The following THOP1 variants were observed in gnomAD, a reference collection of about 807,000 sequenced individuals.
THOP1 encodes the protein thimet oligopeptidase 1, also known as thimet oligopeptidase.
Under a neutral mutation model 71.8 loss-of-function variants are expected in THOP1, and 49 were observed. The ratio of observed to expected loss-of-function variants is 0.68; its 90% confidence interval spans 0.54 to 0.87. The LOEUF (loss-of-function observed/expected upper bound fraction) is 0.87. Ranked by LOEUF, THOP1 falls within the 40% of genes least tolerant of loss-of-function variation. The pLI is 0.00. For synonymous variants in THOP1, 426 were observed against 421.5 expected, an observed-to-expected ratio of 1.01 and a Z score of -0.13; for missense variants, 843 against 975.6, an observed-to-expected ratio of 0.86 and a Z score of 1.81.
intron 1 of THOP1, among the ~76,000 whole-genome samples, chr19:2,787,763 G>C (rs566358251): frequency 6.6e-6 from 1 of 152,170 alleles, no homozygotes; most frequent in Non-Finnish European, 1.5e-5. Flanking sequence ...GACATTTGTG[G>C]TTGTCACAGT....
intron 6 of THOP1, chr19:2,806,644 G>A (rs1568324462): frequency 1.2e-5 from 6 of 493,970 alleles, no homozygotes; most frequent in East Asian, 3.9e-5. Context: ...TGATGCCCTC[G>A]GAGGCTCCTC....
At position 2,810,309 on chromosome 19, in the gene THOP1, G is replaced by A. The variant is rs1252268655; in HGVS notation, c.1461G>A (p.Glu487=). The A allele has an allele frequency of 1.2e-6, 2 of 1,610,896 alleles. No individual in the cohort carries two copies. The highest frequency in any genetic ancestry group is 1.7e-6 in the Non-Finnish European group (2 of 1,179,584). ...GCTCTGCCCCATCCCTGCAGGCGGAGTTCGCCATGTTCAGCGGGACCCACG... is the reference window on the plus strand; with the variant it reads ...GCTCTGCCCCATCCCTGCAGGCGGAATTCGCCATGTTCAGCGGGACCCACG... The part of the protein sequence containing the change: ...HVMHQLCSQA[E]FAMFSGTHVE... Residue 487 remains glutamate (E), a synonymous_variant, in exon 10 of 13, where the codon GAG becomes GAA. Coordinates refer to ENST00000307741, the MANE Select transcript of THOP1 (RefSeq NM_003249.5).
intron 2 of THOP1, among the ~76,000 whole-genome samples, chr19:2,792,545 G>C (rs912556694): frequency 2.1e-5 from 3 of 145,610 alleles, no homozygotes; most frequent in Non-Finnish European, 4.5e-5. Flanking sequence ...GGACATTTCT[G>C]TTGACCCAGA....
chr19:2,812,929 C>G lies in THOP1; in HGVS notation c.1909-186C>G, dbSNP rs553470258. On this transcript the variant is annotated intron_variant, in intron 12 of 12. Coordinates refer to ENST00000307741, the MANE Select transcript of THOP1 (RefSeq NM_003249.5). Reference sequence around the variant, plus strand: ...TGGCCCCTCAGTGCACACCCCCGCTCTGAGATTCTGATGAAAGGCACCTGC... The same window carrying G: ...TGGCCCCTCAGTGCACACCCCCGCTGTGAGATTCTGATGAAAGGCACCTGC... Among the ~76,000 whole-genome samples, 14 of 152,306 alleles carry G rather than the reference C, an allele frequency of 9.2e-5. No homozygotes were observed. The South Asian group carries it at 2.5e-3, about 27-fold the overall frequency.
At chr19:2,798,505 C>T (rs866561086) in intron 4 of THOP1, among the ~76,000 whole-genome samples, 1 of 152,196 alleles carries the variant, frequency 6.6e-6, no homozygotes. Flanking sequence ...AGCAGAGTTC[C>T]AGCGCGTCCC....
At position 2,799,797 on chromosome 19, in the gene THOP1, G is replaced by C. The variant is rs1450285097; in HGVS notation, c.589+6G>C. The C allele has an allele frequency of 6.2e-7, 1 of 1,613,084 alleles. No individual in the cohort carries two copies. Among genetic ancestry groups the C allele is most frequent in the Admixed American group, 1.7e-5 (1 of 60,024 alleles). On this transcript the variant is annotated splice_donor_region_variant and intron_variant, in intron 5 of 12. Coordinates refer to ENST00000307741, the MANE Select transcript of THOP1 (RefSeq NM_003249.5). ...CTTCACGCTCCAGGAGCTAGGTAGG[G>C]GCCGAGCAGTGGGGCACGGGTGGCC...
chr19:2,810,488 C>T lies in THOP1; in HGVS notation c.1640C>T (p.Thr547Ile). Residue 547 changes from threonine to isoleucine, a missense_variant and splice_region_variant, in exon 10 of 13, where the codon ACA (threonine) becomes ATA (isoleucine). By Grantham distance (89) the Thr-to-Ile change is moderately conservative. Transcript: ENST00000307741. ...CTCATTGAGTCCCGGCAGGCCAACA[C>T]AGGTGCACCCGCCCCGTCCGGGGAA... Reference protein sequence around the residue: ...EKLIESRQANTGLFNLRQIVL... With the variant: ...EKLIESRQANIGLFNLRQIVL... The T allele has an allele frequency of 6.4e-7, 1 of 1,551,074 alleles. No individual in the cohort carries two copies. Among genetic ancestry groups the T allele is most frequent in the Non-Finnish European group, 8.7e-7 (1 of 1,147,562 alleles).
At chr19:2,802,567 A>G (rs1224261268) in intron 5 of THOP1, among the ~76,000 whole-genome samples, 1 of 145,454 alleles carries the variant, frequency 6.9e-6, no homozygotes, top group Non-Finnish European at 1.5e-5. Flanking sequence ...ACCTTCCGAC[A>G]CCCCCACCTC....
At chr19:2,810,898 C>A in intron 11 of THOP1, 130 bp downstream of exon 11, 1 of 1,377,210 alleles carries the variant, frequency 7.3e-7, no homozygotes, top group Non-Finnish European at 9.6e-7. Context: ...CCACGGAGCG[C>A]GTCCCAGGCT....
Position 2,810,755 on chromosome 19 carries a change from C to T in THOP1, c.1758C>T (p.Val586=). Residue 586 remains valine, a synonymous_variant, in exon 11 of 13, where the codon GTC becomes GTT. Coordinates refer to ENST00000307741, the MANE Select transcript of THOP1 (RefSeq NM_003249.5). ...GGCTCTGCCAGGAGATCCTCGGGGT[C>T]CCGGCCACGCCAGGTAGCCACCCTT... is the stretch of plus-strand genomic sequence containing the variant. ...YARLCQEILG[V]PATPGTNMPA... is the part of the protein sequence containing the mutation. 1 of 1,602,164 alleles carries T rather than the reference C, an allele frequency of 6.2e-7. No individual in the cohort carries two copies. Among genetic ancestry groups the T allele is most frequent in the African/African-American group, 1.3e-5 (1 of 74,964 alleles).
At chr19:2,794,660 C>CG in intron 2 of THOP1, 104 bp from the exon 3 acceptor site, 3 of 1,401,742 alleles carry the variant, frequency 2.1e-6, no homozygotes, top group African/African-American at 2.8e-5. Context: ...AGAGAGTTCA[C>CG]GGGGGGATTC....
chr19:2,790,319 A>G (rs950652212), intron 1 of THOP1, 102 bp from the exon 2 acceptor site: 1 of 1,143,454 alleles, frequency 8.7e-7, no homozygotes, highest in Non-Finnish European at 1.2e-6. Context: ...ACTCTTCTGG[A>G]TGAGAAGCGG....
At chr19:2,812,075 T>G in intron 12 of THOP1, 1 of 1,256,528 alleles carries the variant, frequency 8.0e-7, no homozygotes, top group Non-Finnish European at 1.1e-6. Context: ...TGCTGGGAGC[T>G]CCGTGTCTTC....
chr19:2,795,223 G>C (rs1044710870), intron 3 of THOP1, among the ~76,000 whole-genome samples: 1 of 152,206 alleles, frequency 6.6e-6, no homozygotes, highest in Non-Finnish European at 1.5e-5. Context: ...GCCTCCCAAA[G>C]TGCTGGGATC....
At chr19:2,807,132 C>G in intron 7 of THOP1, 80 bp downstream of exon 7, 3 of 1,471,732 alleles carry the variant, frequency 2.0e-6, no homozygotes, top group Middle Eastern at 1.8e-4. Context: ...CGGTGCTACC[C>G]CTAGAGCCTT....
intron 6 of THOP1, 23 bp from the exon 7 acceptor site, chr19:2,806,892 GAC>G: frequency 6.2e-7 from 1 of 1,612,568 alleles, no homozygotes. Context: ...GCCCCTGGGT[GAC>G]AGTGTGGTGG....
intron 2 of THOP1, among the ~76,000 whole-genome samples, chr19:2,791,963 GGCCCCTCGC>G (rs1050135482): frequency 8.5e-5 from 13 of 152,096 alleles, no homozygotes; most frequent in Admixed American, 6.6e-4. Flanking sequence ...CTCTCCAGCC[GGCCCCTCGC>G]GCCCCTCGCC....
chr19:2,808,118 AG>A, intron 8 of THOP1, 124 bp from the exon 9 acceptor site: 1 of 1,109,498 alleles, frequency 9.0e-7, no homozygotes, highest in Non-Finnish European at 1.3e-6. Context: ...GCTGAGAGGG[AG>A]GTTTAGAACC....
In THOP1 at chr19:2,813,158, C is replaced by T. The variant is rs1916525726; in HGVS notation, c.1952C>T (p.Ser651Phe). 6.2e-7 allele frequency: 1 copy of T among 1,611,874 alleles called. No individual in the cohort carries two copies. The highest frequency in any genetic ancestry group is 8.5e-7 in the Non-Finnish European group (1 of 1,179,562). ...YRSCILRPGG[S>F]EDASAMLRRF... ...AGCTGCATCCTGAGACCCGGCGGTT[C>T]CGAGGATGCCAGCGCCATGCTGAGG... The change falls in exon 13 of 13, where the codon TCC becomes TTC. Residue 651 changes from serine (S) to phenylalanine (F), a missense_variant. By Grantham distance (155) the Ser-to-Phe change is radical (BLOSUM62 -2). Transcript: ENST00000307741.
Sources: allele counts gnomAD v4.1 joint callset (sites outside exome capture counted in the v4.1 genomes callset), GRCh38; gene constraint gnomAD v4.1.1; transcripts MANE v1.5; gene names NCBI Gene and HGNC (gene_info 2026-07-23, HGNC 2026-07-21).